Variants in YAF2 observed in about 807,000 individuals in gnomAD.
YAF2 encodes the protein YY1 associated factor 2, also known as YY1-associated factor 2.
A neutral mutation model predicts 20.1 loss-of-function variants in YAF2; 7 were observed. That is an observed-to-expected ratio of 0.35 (90% CI 0.20 to 0.65). The LOEUF is 0.65. YAF2 is among the 30% of genes least tolerant of loss of function. YAF2 has a pLI of 0.69. For synonymous variants in YAF2, 74 were observed against 76.0 expected (o/e 0.97, Z 0.14); for missense variants, 151 against 219.2 (o/e 0.69, Z 1.96).
At chr12:42,220,579 A>T (rs1038596085) in intron 2 of YAF2, among the ~76,000 whole-genome samples, 3 of 152,208 alleles carry the variant, frequency 2.0e-5, no homozygotes, top group Non-Finnish European at 4.4e-5. Flanking sequence ...AGAGGAAAGA[A>T]GACCAAAATC....
intron 2 of YAF2, among the ~76,000 whole-genome samples, chr12:42,186,048 A>T (rs910332810): frequency 6.6e-6 from 1 of 151,910 alleles, no homozygotes; most frequent in East Asian, 1.9e-4. Context: ...AAAATTAGCT[A>T]GGCATGGTGG....
In YAF2 at chr12:42,237,806, G is replaced by GCCCCGCC. The variant is rs1328072656; in HGVS notation, c.27-89_27-83dup. ...GTGCCCGGGCCCCGCGGCCGCCCCC[G>GCCCCGCC]CCCCGCCCCCCGCCCCAATTCTGCG... On this transcript the variant is annotated intron_variant, in intron 1 of 3. Coordinates refer to ENST00000534854, the MANE Select transcript of YAF2 (RefSeq NM_005748.6). 6.6e-6 allele frequency: 6 copies of GCCCCGCC among 913,576 alleles called. No individual in the cohort carries two copies. The East Asian group carries it at 2.8e-4, about 43-fold the overall frequency. 56.6% of individuals were successfully genotyped at this position (913,576 alleles called of 1,614,324 possible).
At chr12:42,185,352 G>A (rs1230009504) in intron 2 of YAF2, among the ~76,000 whole-genome samples, 2 of 152,212 alleles carry the variant, frequency 1.3e-5, no homozygotes, top group Admixed American at 6.5e-5. Context: ...TGAAGATGCT[G>A]TGAACACAGT....
chr12:42,229,819 A>G (rs2067923829), intron 2 of YAF2, among the ~76,000 whole-genome samples: 1 of 152,214 alleles, frequency 6.6e-6, no homozygotes, highest in Non-Finnish European at 1.5e-5. Context: ...AACATAGAAA[A>G]AGTAGAGTAA....
At position 42,197,304 on chromosome 12, in the gene YAF2, C is replaced by T. The variant is rs2066778922; in HGVS notation, c.153-35539G>A. Among the ~76,000 whole-genome samples, 3 of 152,202 alleles carry T rather than the reference C, an allele frequency of 2.0e-5. No homozygotes were observed. In the South Asian group the frequency reaches 6.2e-4, roughly 31 times the overall value. ...TCCTCTAACTCAAAAATTTGTCCAA[C>T]ACCCCAGTGACCACAATTAGCAGCT... On this transcript the variant is annotated intron_variant, in intron 2 of 3. Transcript: ENST00000534854.
rs1347706221 is a variant in YAF2, at chr12:42,160,587, C to G, written c.*2G>C. The G allele has an allele frequency of 6.2e-7, 1 of 1,609,128 alleles. No homozygotes were observed. The highest frequency in any genetic ancestry group is 8.5e-7 in the Non-Finnish European group (1 of 1,176,380). On this transcript the variant is annotated 3_prime_UTR_variant, in exon 4 of 4. Coordinates refer to ENST00000534854, the MANE Select transcript of YAF2 (RefSeq NM_005748.6). ...TGACTAAGAAATTGGAGAAAATAAA[C>G]TTTAATGAGATTCTCCATTCAATGA...
intron 2 of YAF2, among the ~76,000 whole-genome samples, chr12:42,164,906 C>CA (rs1465114635): frequency 4.0e-5 from 6 of 151,150 alleles, no homozygotes; most frequent in South Asian, 2.1e-4. Context: ...CCCATCTCTA[C>CA]AAAAAAAATA....
chr12:42,170,960 A>G (rs1020739916), intron 2 of YAF2, among the ~76,000 whole-genome samples: 2 of 152,192 alleles, frequency 1.3e-5, no homozygotes, highest in African/African-American at 4.8e-5. Context: ...AGAGAGCACT[A>G]GAGCAACGTA....
chr12:42,184,213 A>G (rs990257271), intron 2 of YAF2, among the ~76,000 whole-genome samples: 6 of 152,204 alleles, frequency 3.9e-5, no homozygotes, highest in African/African-American at 1.4e-4. Context: ...GCTCTAAGGG[A>G]CATGTACAAG....
chr12:42,208,859 A>G (rs946447021), intron 2 of YAF2, among the ~76,000 whole-genome samples: 4 of 152,242 alleles, frequency 2.6e-5, no homozygotes, highest in Non-Finnish European at 4.4e-5. Flanking sequence ...AATTAAGGCT[A>G]GATAAACAGA....
intron 2 of YAF2, among the ~76,000 whole-genome samples, chr12:42,208,120 T>C (rs1157631284): frequency 2.6e-5 from 4 of 152,152 alleles, no homozygotes; most frequent in Non-Finnish European, 5.9e-5. Flanking sequence ...TAAAAAGAGC[T>C]GTATATTTTT....
intron 2 of YAF2, among the ~76,000 whole-genome samples, chr12:42,206,777 C>CTT (rs1167836415): frequency 6.6e-6 from 1 of 152,076 alleles, no homozygotes; most frequent in Non-Finnish European, 1.5e-5. Context: ...TGCCTACCTG[C>CTT]TTCAAGGCAT....
chr12:42,188,760 CA>C (rs888286525), intron 2 of YAF2, among the ~76,000 whole-genome samples: 6 of 149,076 alleles, frequency 4.0e-5, no homozygotes, highest in South Asian at 4.2e-4. Flanking sequence ...AACCTATTTA[CA>C]AAAAAAAAGC....
chr12:42,206,554 A>G (rs2067048340), intron 2 of YAF2, among the ~76,000 whole-genome samples: 1 of 151,890 alleles, frequency 6.6e-6, no homozygotes, highest in Non-Finnish European at 1.5e-5. Context: ...GGTTGAAGTG[A>G]GCCGAGATAG....
rs1480730827 is a variant in YAF2, at chr12:42,237,522, G to T, written c.152+77C>A. The T allele has an allele frequency of 2.9e-6, 4 of 1,401,276 alleles. No individual in the cohort carries two copies. In the East Asian group the frequency reaches 9.3e-5, roughly 33 times the overall value. The allele number at this position is 1,401,276 out of a possible 1,614,324, so 86.8% of individuals were successfully genotyped here. A position where few individuals can be genotyped will look rare whatever the true frequency, so the allele number is the denominator to read the frequency against. On this transcript the variant is annotated intron_variant, in intron 2 of 3. Coordinates refer to ENST00000534854, the MANE Select transcript of YAF2 (RefSeq NM_005748.6). The stretch of plus-strand genomic sequence containing the variant: ...CGCCGGGTCCGCCAGTGTCATGGGA[G>T]GGGGCGGCAGCCGCAAGGGCGTCCT...
At chr12:42,214,663 ACT>A (rs2067303685) in intron 2 of YAF2, among the ~76,000 whole-genome samples, 1 of 151,206 alleles carries the variant, frequency 6.6e-6, no homozygotes, top group Admixed American at 6.6e-5. Context: ...TTGTTGCCAC[ACT>A]CTGCAATGAT....
At chr12:42,173,234 GT>G in intron 2 of YAF2, among the ~76,000 whole-genome samples, 1 of 152,272 alleles carries the variant, frequency 6.6e-6, no homozygotes, top group East Asian at 1.9e-4. Flanking sequence ...TAAGACTATA[GT>G]CACAAACGGG....
chr12:42,178,732 T>C (rs1394374440), intron 2 of YAF2, among the ~76,000 whole-genome samples: 6 of 152,304 alleles, frequency 3.9e-5, no homozygotes, highest in East Asian at 1.9e-4. Context: ...ACTGAATACA[T>C]GCTAAATGAA....
chr12:42,226,464 C>A (rs2067700152), intron 2 of YAF2, among the ~76,000 whole-genome samples: 1 of 152,070 alleles, frequency 6.6e-6, no homozygotes, highest in African/African-American at 2.4e-5. Flanking sequence ...GAGTTCGAGA[C>A]CAGACTGGGC....
Sources: allele counts gnomAD v4.1 joint callset (sites outside exome capture counted in the v4.1 genomes callset), GRCh38; gene constraint gnomAD v4.1.1; transcripts MANE v1.5; gene names NCBI Gene and HGNC (gene_info 2026-07-23, HGNC 2026-07-21).